CAPZA2: variants seen among roughly 807,000 people sequenced by gnomAD.
CAPZA2 encodes the protein capping actin protein of muscle Z-line subunit alpha 2, also known as F-actin-capping protein subunit alpha-2.
Under a neutral mutation model 44.0 loss-of-function variants are expected in CAPZA2, and 13 were observed. The ratio of observed to expected loss-of-function variants is 0.30; its 90% CI spans 0.19 to 0.47. CAPZA2 has a LOEUF of 0.47. Among genes scored for constraint, CAPZA2 ranks in the 20% least tolerant of loss-of-function variants. The pLI is 1.00. For synonymous variants in CAPZA2, 94 were observed against 108.2 expected, an observed-to-expected ratio of 0.87 and a Z score of 0.81; for missense variants, 244 against 338.6, an observed-to-expected ratio of 0.72 and a Z score of 2.19.
chr7:116,863,567 G>T (rs1796445202), intron 1 of CAPZA2, among the ~76,000 whole-genome samples: 1 of 152,148 alleles, frequency 6.6e-6, no homozygotes, highest in South Asian at 2.1e-4. Context: ...CTCTTAATTC[G>T]CCCCTTTCGT....
At chr7:116,866,691 G>C (rs1796488418) in intron 1 of CAPZA2, among the ~76,000 whole-genome samples, 1 of 152,176 alleles carries the variant, frequency 6.6e-6, no homozygotes. Context: ...GGGAAAGATC[G>C]TTTTTCTTCC....
rs557434747 is a variant in CAPZA2, at chr7:116,880,696, CTTTTTTTTTTTTTTTTTTTTTTT to C, written c.40-7415_40-7393del. On this transcript the variant is annotated intron_variant, in intron 1 of 9. Transcript: ENST00000361183. ...ATAGGCATGAGCCACTGTAACCTGC[CTTTTTTTTTTTTTTTTTTTTTTT>C]TTTTTTTTTTTTTTTGAGACAGTCT... is the stretch of plus-strand genomic sequence containing the variant. 1.8e-3 allele frequency among the ~76,000 whole-genome samples: 45 copies of C among 24,686 alleles called. 1 individual carries two copies. The highest frequency in any genetic ancestry group is 5.8e-3 in the African/African-American group (43 of 7,478). 16.2% of individuals were successfully genotyped at this position (24,686 alleles called of 152,430 possible).
intron 6 of CAPZA2, among the ~76,000 whole-genome samples, chr7:116,907,694 C>T (rs12706115): frequency 0.23 from 34,994 of 151,890 alleles, 4,175 homozygotes; most frequent in East Asian, 0.41. Flanking sequence ...TTGCCCAGGC[C>T]GGTCTCAAAT....
At chr7:116,886,014 G>C (rs150706173) in intron 1 of CAPZA2, 1 of 154,850 alleles carries the variant, frequency 6.5e-6, no homozygotes, top group Non-Finnish European at 1.5e-5. Context: ...CCACCCTGAA[G>C]CTATCAGTCA....
chr7:116,886,982 G>A (rs771594184), intron 1 of CAPZA2, among the ~76,000 whole-genome samples: 1 of 152,168 alleles, frequency 6.6e-6, no homozygotes, highest in Non-Finnish European at 1.5e-5. Context: ...ACCTGTTGAT[G>A]TTCAATCTCC....
intron 2 of CAPZA2, among the ~76,000 whole-genome samples, chr7:116,889,712 T>C (rs903212370): frequency 8.5e-5 from 13 of 152,218 alleles, no homozygotes; most frequent in Admixed American, 7.2e-4. Flanking sequence ...CATGATTTAG[T>C]GCATACAATT....
At chr7:116,913,685 C>T (rs1791626389) in intron 8 of CAPZA2, among the ~76,000 whole-genome samples, 1 of 152,022 alleles carries the variant, frequency 6.6e-6, no homozygotes, top group Admixed American at 6.6e-5. Context: ...TCACTGCAAC[C>T]TCTGCCTCTA....
At chr7:116,917,300 G>A (rs1791692577) in intron 9 of CAPZA2, among the ~76,000 whole-genome samples, 1 of 152,088 alleles carries the variant, frequency 6.6e-6, no homozygotes, top group African/African-American at 2.4e-5. Flanking sequence ...TGTGGCCCAG[G>A]CTGGAGTGCA....
At chr7:116,873,363 A>G (rs1157163772) in intron 1 of CAPZA2, 1 of 152,192 alleles carries the variant, frequency 6.6e-6, no homozygotes, top group Non-Finnish European at 1.5e-5. Flanking sequence ...TACCATGCAC[A>G]TACATTGTCT....
chr7:116,896,051 C>CT (rs752534154), intron 3 of CAPZA2, among the ~76,000 whole-genome samples: 32 of 152,100 alleles, frequency 2.1e-4, no homozygotes, highest in Non-Finnish European at 4.4e-4. Flanking sequence ...TAGCTATAGA[C>CT]TGTTTCTTTT....
intron 1 of CAPZA2, among the ~76,000 whole-genome samples, chr7:116,885,873 T>C (rs556436998): frequency 6.6e-6 from 1 of 152,266 alleles, no homozygotes; most frequent in South Asian, 2.1e-4. Flanking sequence ...TATGTAGGCA[T>C]GATTGATTAA....
intron 1 of CAPZA2, chr7:116,875,911 G>A (rs935994793): frequency 1.3e-5 from 2 of 152,112 alleles, no homozygotes; most frequent in East Asian, 1.9e-4. Flanking sequence ...TTCATCTGAG[G>A]TATTTATTGA....
At chr7:116,899,903 A>AT (rs1186582530) in intron 4 of CAPZA2, among the ~76,000 whole-genome samples, 3 of 151,730 alleles carry the variant, frequency 2.0e-5, no homozygotes, top group African/African-American at 7.2e-5. Flanking sequence ...TGGACTATAG[A>AT]TTTTAAAACT....
At chr7:116,905,383 T>G (rs1157249989) in intron 5 of CAPZA2, among the ~76,000 whole-genome samples, 2 of 152,128 alleles carry the variant, frequency 1.3e-5, no homozygotes, top group Non-Finnish European at 1.5e-5. Context: ...TCCAGGCTTT[T>G]GAAGGTGGCT....
Position 116,910,247 on chromosome 7 carries a change from G to A in CAPZA2, c.521G>A (p.Arg174Lys). Residue 174 changes from arginine (R) to lysine (K), a missense_variant, in exon 7 of 10, where the codon AGG becomes AAG. Transcript: ENST00000361183. The part of the protein sequence containing the change: ...QAKNFWNGRW[R>K]SEWKFTITPS... The stretch of plus-strand genomic sequence containing the variant: ...TTATTTTTAAGGAATGGTCGTTGGA[G>A]GTCAGAATGGAAGTTTACAATCACT... 3 of 1,585,250 alleles carry A rather than the reference G, an allele frequency of 1.9e-6. No homozygotes were observed. Among genetic ancestry groups the A allele is most frequent in the Non-Finnish European group, 2.6e-6 (3 of 1,153,854 alleles).
intron 6 of CAPZA2, 180 bp from the exon 7 acceptor site, chr7:116,910,053 T>C (rs933241571): frequency 3.4e-6 from 2 of 584,390 alleles, no homozygotes; most frequent in South Asian, 2.0e-5. Flanking sequence ...AAATTAAATA[T>C]GTATCATAAC....
At chr7:116,905,502 G>A (rs1028796431) in intron 5 of CAPZA2, among the ~76,000 whole-genome samples, 6 of 152,058 alleles carry the variant, frequency 3.9e-5, no homozygotes, top group Admixed American at 1.3e-4. Context: ...CACCAGTAGC[G>A]TACCCCATTT....
At chr7:116,911,080 C>CT (rs2115975393) in intron 7 of CAPZA2, among the ~76,000 whole-genome samples, 1 of 150,268 alleles carries the variant, frequency 6.7e-6, no homozygotes, top group East Asian at 2.0e-4. Context: ...ACACCAAGTA[C>CT]TCGATGAATG....
At position 116,862,651 on chromosome 7, in the gene CAPZA2, G is replaced by A; in HGVS notation, c.39+1G>A. 1 of 1,539,824 alleles carries A rather than the reference G, an allele frequency of 6.5e-7. No homozygotes were observed. The highest frequency in any genetic ancestry group is 8.8e-7 in the Non-Finnish European group (1 of 1,142,036). On this transcript the variant is annotated splice_donor_variant, in intron 1 of 9. Coordinates refer to ENST00000361183, the MANE Select transcript of CAPZA2 (RefSeq NM_006136.3). LOFTEE classifies it high-confidence loss of function. ...GGAGCAGTTGTCTGATGAAGAGAAG[G>A]TAAGAGTCGCGGGGGCGACGGCGCG...
Sources: gnomAD v4.1 joint callset for allele counts (sites outside exome capture counted in the v4.1 genomes callset) on GRCh38, gnomAD v4.1.1 for gene constraint, MANE v1.5 for transcripts, NCBI Gene and HGNC (gene_info 2026-07-23, HGNC 2026-07-21) for gene names.